The following EXOC3L2 variants were observed in gnomAD, a reference collection of about 807,000 sequenced individuals.
EXOC3L2 encodes exocyst complex component 3-like protein 2.
In EXOC3L2, 17 loss-of-function variants were observed where a neutral mutation model predicts 44.4. That is an observed-to-expected ratio of 0.38 (90% CI 0.26 to 0.57). The LOEUF (loss-of-function observed/expected upper bound fraction) is 0.57. EXOC3L2 is among the 20% of genes least tolerant of loss of function. The pLI is 0.65. For missense variants in EXOC3L2, 541 were observed against 588.4 expected, an observed-to-expected ratio of 0.92 and a Z score of 0.83; for synonymous variants, 256 against 253.7, an observed-to-expected ratio of 1.01 and a Z score of -0.09.
intron 11 of EXOC3L2, 27 bp from the exon 12 acceptor site, chr19:45,213,384 A>G (rs901308464): frequency 5.5e-5 from 89 of 1,609,784 alleles, no homozygotes; most frequent in Non-Finnish European, 7.5e-5. Context: ...AGACAGGTGC[A>G]TGCAGATCCC....
chr19:45,213,312 G>A lies in EXOC3L2; in HGVS notation c.2166C>T (p.Asn722=). ...CCAGGATCTCCTGGCGGGCGGCTGT[G>A]TTGCGCAGGCCACGGATGTCGAGGA... The part of the protein sequence containing the change: ...AALLDIRGLR[N]TAARQEILAV... Residue 722 remains asparagine, a synonymous_variant, in exon 12 of 12, where the codon AAC becomes AAT. Transcript: ENST00000413988. 1 of 1,613,826 alleles carries A rather than the reference G, an allele frequency of 6.2e-7. No individual in the cohort carries two copies. Among genetic ancestry groups the A allele is most frequent in the Non-Finnish European group, 8.5e-7 (1 of 1,179,902 alleles).
At chr19:45,243,502 C>T (rs948174699) in intron 1 of EXOC3L2, among the ~76,000 whole-genome samples, 4 of 152,200 alleles carry the variant, frequency 2.6e-5, no homozygotes, top group African/African-American at 9.7e-5. Flanking sequence ...GACCTCCTTC[C>T]GGTCTCCATG....
At chr19:45,236,363 G>C (rs1003725601) in intron 2 of EXOC3L2, among the ~76,000 whole-genome samples, 1 of 150,842 alleles carries the variant, frequency 6.6e-6, no homozygotes, top group Non-Finnish European at 1.5e-5. Context: ...CTACTCAGGA[G>C]GCTGAGACAG....
chr19:45,219,726 AAT>A (rs1446327808), intron 8 of EXOC3L2, among the ~76,000 whole-genome samples: 1 of 152,178 alleles, frequency 6.6e-6, no homozygotes, highest in Admixed American at 6.6e-5. Context: ...CTTTCAAGGA[AAT>A]GTGTTTGCCA....
chr19:45,228,809 C>T lies in EXOC3L2; in HGVS notation c.1270-543G>A, dbSNP rs371376939. Among the ~76,000 whole-genome samples, 70 of 149,434 alleles carry T rather than the reference C, an allele frequency of 4.7e-4. 3 individuals are homozygous for T. In the East Asian group the frequency reaches 7.2e-3, roughly 15 times the overall value. ...AAAATAGGCTGGGCGCGGTGGCTCA[C>T]GCCTGTAATCCCAGCACTTTGGGAG... On this transcript the variant is annotated intron_variant, in intron 4 of 11. Transcript: ENST00000413988.
intron 7 of EXOC3L2, among the ~76,000 whole-genome samples, chr19:45,226,497 C>T (rs887254212): frequency 2.6e-5 from 4 of 151,798 alleles, no homozygotes; most frequent in African/African-American, 7.3e-5. Flanking sequence ...AGTGCAGTGA[C>T]GGGATCTTGG....
chr19:45,233,108 C>G (rs1045025519), intron 3 of EXOC3L2, among the ~76,000 whole-genome samples: 8 of 152,002 alleles, frequency 5.3e-5, no homozygotes, highest in African/African-American at 1.9e-4. Context: ...CCCAGCTACT[C>G]GGGAGGCTGA....
chr19:45,228,131 C>T, intron 5 of EXOC3L2, 34 bp downstream of exon 5: 1 of 1,613,784 alleles, frequency 6.2e-7, no homozygotes, highest in Non-Finnish European at 8.5e-7. Flanking sequence ...CACTTTCCAT[C>T]CAGCCCATCC....
intron 1 of EXOC3L2, among the ~76,000 whole-genome samples, chr19:45,239,877 G>C (rs55787807): frequency 0.016 from 2,376 of 151,762 alleles, 62 homozygotes; most frequent in African/African-American, 0.056. Flanking sequence ...AGGCTGAGAG[G>C]GGGGAAGGCT....
intron 9 of EXOC3L2, 109 bp downstream of exon 9, chr19:45,218,088 C>T: frequency 1.5e-6 from 2 of 1,369,080 alleles, no homozygotes; most frequent in Non-Finnish European, 1.9e-6. Flanking sequence ...CCAGCAGGAG[C>T]GTTCTTGGCT....
intron 7 of EXOC3L2, among the ~76,000 whole-genome samples, chr19:45,226,611 A>AT (rs1166417738): frequency 1.3e-5 from 2 of 149,928 alleles, no homozygotes; most frequent in Non-Finnish European, 3.0e-5. Context: ...TAATTTTTGT[A>AT]TTTTTTTAGA....
At position 45,224,897 on chromosome 19, in the gene EXOC3L2, G is replaced by C; in HGVS notation, c.1600C>G (p.Leu534Val). The C allele has an allele frequency of 6.4e-7, 1 of 1,557,052 alleles. No individual in the cohort carries two copies. The highest frequency in any genetic ancestry group is 8.7e-7 in the Non-Finnish European group (1 of 1,149,730). The change falls in exon 8 of 12, where the codon CTG becomes GTG. Residue 534 changes from leucine (L) to valine (V), a missense_variant. By Grantham distance (32) the Leu-to-Val change is conservative. Coordinates refer to ENST00000413988, the MANE Select transcript of EXOC3L2 (RefSeq NM_001382422.1). ...GPPLRALAER[L>V]ARVGPPESEP... is the part of the protein sequence containing the mutation. ...CTTTCTGGGGGCCCCACCCGGGCCAGGCGCTCGGCCAGAGCTCTGTGGGGA... is the reference window on the plus strand; with the variant it reads ...CTTTCTGGGGGCCCCACCCGGGCCACGCGCTCGGCCAGAGCTCTGTGGGGA...
chr19:45,240,762 G>A (rs1371365544), intron 1 of EXOC3L2, among the ~76,000 whole-genome samples: 1 of 152,006 alleles, frequency 6.6e-6, no homozygotes, highest in Non-Finnish European at 1.5e-5. Context: ...AAATTAGCCG[G>A]GCGTGGTGGC....
At position 45,234,603 on chromosome 19, in the gene EXOC3L2, G is replaced by A. The variant is rs1426527929; in HGVS notation, c.747C>T (p.Pro249=). 5 of 301,742 alleles carry A rather than the reference G, an allele frequency of 1.7e-5. No individual in the cohort carries two copies. The highest frequency in any genetic ancestry group is 5.1e-5 in the Admixed American group (1 of 19,474). 18.7% of individuals were successfully genotyped at this position (301,742 alleles called of 1,614,324 possible). ...CAGCCCCGGCGCACGCTCCCGGCCC[G>A]GGGCCCGCCAGCGTCTCGCGCACCA... ...WALVRETLAG[P]GPGACAGAGA... The change falls in exon 3 of 12, where the codon CCC becomes CCT. Residue 249 remains proline (P), a synonymous_variant. Transcript: ENST00000413988. This position sits in a 1 kb window ranked among gnomAD's most constrained non-coding sequence, Gnocchi z 5.0.
At chr19:45,244,137 T>C (rs1265328667) in intron 1 of EXOC3L2, among the ~76,000 whole-genome samples, 2 of 151,390 alleles carry the variant, frequency 1.3e-5, no homozygotes, top group Non-Finnish European at 2.9e-5. Flanking sequence ...TTGCCCAGGT[T>C]GGTCAACTCC....
chr19:45,237,032 G>A (rs1044736970), intron 2 of EXOC3L2, among the ~76,000 whole-genome samples: 18 of 150,958 alleles, frequency 1.2e-4, no homozygotes, highest in African/African-American at 4.4e-4. Flanking sequence ...AAAGGAGGTC[G>A]CCAGAGGGAA....
intron 4 of EXOC3L2, among the ~76,000 whole-genome samples, chr19:45,230,612 G>A (rs1021267342): frequency 6.6e-6 from 1 of 152,122 alleles, no homozygotes; most frequent in African/African-American, 2.4e-5. Flanking sequence ...GCCTCCCAAA[G>A]TGCTGGGATT....
At chr19:45,229,443 A>G (rs1970006708) in intron 4 of EXOC3L2, among the ~76,000 whole-genome samples, 1 of 147,092 alleles carries the variant, frequency 6.8e-6, no homozygotes, top group Non-Finnish European at 1.5e-5. Context: ...TATATTAATA[A>G]TTAGTATGTA....
chr19:45,212,782 T>G lies in EXOC3L2; in HGVS notation c.*287A>C. ...GCTAATTTTTTATTTTTTGTAGAGATAGGGGGCAGGTCTCACTATGTTGCC... is the reference window on the plus strand; with the variant it reads ...GCTAATTTTTTATTTTTTGTAGAGAGAGGGGGCAGGTCTCACTATGTTGCC... On this transcript the variant is annotated 3_prime_UTR_variant, in exon 12 of 12. Transcript: ENST00000413988. The G allele has an allele frequency of 6.1e-6, 2 of 326,080 alleles. No homozygotes were observed. Among genetic ancestry groups the G allele is most frequent in the Non-Finnish European group, 1.1e-5 (2 of 182,084 alleles). The allele number at this position is 326,080 out of a possible 1,614,324, so 20.2% of individuals were successfully genotyped here.
Sources: gnomAD v4.1 joint callset for allele counts (sites outside exome capture counted in the v4.1 genomes callset) on GRCh38, gnomAD v4.1.1 for gene constraint, Gnocchi (gnomAD v3.1) non-coding constraint, MANE v1.5 for transcripts, NCBI Gene and HGNC (gene_info 2026-07-23, HGNC 2026-07-21) for gene names.